OGFRL1: variants seen among roughly 807,000 people sequenced by gnomAD.
OGFRL1 encodes opioid growth factor receptor-like protein 1.
A neutral mutation model predicts 32.4 loss-of-function variants in OGFRL1; 26 were observed. That is an observed-to-expected ratio of 0.80 (90% confidence interval 0.59 to 1.11). The LOEUF (loss-of-function observed/expected upper bound fraction) is 1.11, where lower values mean the gene tolerates loss of function less well. OGFRL1 is among the 50% of genes most tolerant of loss of function. The pLI is 0.00. For missense variants in OGFRL1, 521 were observed against 546.4 expected (o/e 0.95, Z 0.46); for synonymous variants, 211 against 201.2 (o/e 1.05, Z -0.41).
In OGFRL1 at chr6:71,304,963, G is replaced by A. The variant is rs139418326; in HGVS notation, c.*2914G>A. On this transcript the variant is annotated 3_prime_UTR_variant, in exon 7 of 7. Coordinates refer to ENST00000370435, the MANE Select transcript of OGFRL1 (RefSeq NM_024576.5). Reference sequence around the variant, plus strand: ...ATTAGTTTTTTAAATAAGATCTATAGATATGTATTTATGTGTGTCTTATAT... The same window carrying A: ...ATTAGTTTTTTAAATAAGATCTATAAATATGTATTTATGTGTGTCTTATAT... The A allele has an allele frequency of 1.8e-4, 27 of 152,084 alleles. No individual in the cohort carries two copies. Among genetic ancestry groups the A allele is most frequent in the African/African-American group, 6.3e-4 (26 of 41,558 alleles). The allele number at this position is 152,084 out of a possible 1,614,324, so 9.4% of individuals were successfully genotyped here.
rs1766584277 is a variant in OGFRL1, at chr6:71,307,366, A to C, written c.*5317A>C. ...TCCATACACAATTTTGATGGGTATCAGTTCTCATAAAATACCTGCTACAAT... is the reference window on the plus strand; with the variant it reads ...TCCATACACAATTTTGATGGGTATCCGTTCTCATAAAATACCTGCTACAAT... On this transcript the variant is annotated 3_prime_UTR_variant, in exon 7 of 7. Transcript: ENST00000370435. The C allele has an allele frequency of 6.6e-6, 1 of 152,220 alleles. No individual in the cohort carries two copies. The highest frequency in any genetic ancestry group is 1.5e-5 in the Non-Finnish European group (1 of 68,042). 9.4% of individuals were successfully genotyped at this position (152,220 alleles called of 1,614,324 possible).
intron 5 of OGFRL1, 38 bp downstream of exon 5, chr6:71,296,599 A>C (rs1398178123): frequency 6.2e-7 from 1 of 1,607,666 alleles, no homozygotes; most frequent in South Asian, 1.1e-5. Context: ...AGGGTGGCCA[A>C]ATAATATTGC....
chr6:71,303,377 T>A lies in OGFRL1; in HGVS notation c.*1328T>A, dbSNP rs971571327. The A allele has an allele frequency of 2.4e-4, 36 of 152,204 alleles. No individual in the cohort carries two copies. The highest frequency in any genetic ancestry group is 8.2e-4 in the African/African-American group (34 of 41,456). 9.4% of individuals were successfully genotyped at this position (152,204 alleles called of 1,614,324 possible). On this transcript the variant is annotated 3_prime_UTR_variant, in exon 7 of 7. Transcript: ENST00000370435. The stretch of plus-strand genomic sequence containing the variant: ...CATGGAACAGAGTGGGACTTCTAAT[T>A]GTATGACTTCAAGATTTTGCTTTGT...
chr6:71,289,113 G>A lies in OGFRL1; in HGVS notation c.177G>A (p.Gly59=). Residue 59 remains glycine, a synonymous_variant, in exon 1 of 7, where the codon GGG becomes GGA. Transcript: ENST00000370435. The part of the protein sequence containing the change: ...QPAQPPEQAG[G]RPGASPAPDE... Reference sequence around the variant, plus strand: ...CGCAGCCCCCGGAGCAAGCCGGCGGGCGGCCCGGCGCCAGCCCCGCGCCGG... The same window carrying A: ...CGCAGCCCCCGGAGCAAGCCGGCGGACGGCCCGGCGCCAGCCCCGCGCCGG... The A allele has an allele frequency of 9.0e-7, 1 of 1,110,864 alleles. No individual in the cohort carries two copies. Among genetic ancestry groups the A allele is most frequent in the Non-Finnish European group, 1.1e-6 (1 of 912,208 alleles). The allele number at this position is 1,110,864 out of a possible 1,614,324, so 68.8% of individuals were successfully genotyped here.
Position 71,288,897 on chromosome 6 carries a change from C to A in OGFRL1, c.-40C>A. The A allele has an allele frequency of 1.6e-6, 2 of 1,240,186 alleles. No homozygotes were observed. The highest frequency in any genetic ancestry group is 1.6e-5 in the African/African-American group (1 of 61,970). The allele number at this position is 1,240,186 out of a possible 1,614,324, so 76.8% of individuals were successfully genotyped here. On this transcript the variant is annotated 5_prime_UTR_variant, in exon 1 of 7. Coordinates refer to ENST00000370435, the MANE Select transcript of OGFRL1 (RefSeq NM_024576.5). ...CTAGAGCGCCTGCCGCAGCTTGCGC[C>A]CCGCAGCCCCGCAGCCCCGCGCCCG...
chr6:71,295,198 C>T (rs1766167797), intron 3 of OGFRL1: 1 of 152,064 alleles, frequency 6.6e-6, no homozygotes, highest in Admixed American at 6.6e-5. Flanking sequence ...ATTTATTTAT[C>T]AGGCAGGAGG....
rs921600300 is a variant in OGFRL1, at chr6:71,306,948, G to T, written c.*4899G>T. ...AACTAATTTGAAAAACTTTTATGCT[G>T]TAGTCTCATTAGAATCATTTTAAAA... On this transcript the variant is annotated 3_prime_UTR_variant, in exon 7 of 7. Coordinates refer to ENST00000370435, the MANE Select transcript of OGFRL1 (RefSeq NM_024576.5). The T allele has an allele frequency of 3.3e-5, 5 of 152,144 alleles. No homozygotes were observed. Among genetic ancestry groups the T allele is most frequent in the Non-Finnish European group, 7.4e-5 (5 of 68,014 alleles). The allele number at this position is 152,144 out of a possible 1,614,324, so 9.4% of individuals were successfully genotyped here.
intron 5 of OGFRL1, 35 bp from the exon 6 acceptor site, chr6:71,296,635 AAT>A: frequency 6.2e-7 from 1 of 1,608,632 alleles, no homozygotes; most frequent in Non-Finnish European, 8.5e-7. Context: ...GTAGCTACTG[AAT>A]CATTTCAGGT....
rs893920232 is a variant in OGFRL1 at position 71,306,782 on chromosome 6, A to G, written c.*4733A>G. Reference sequence around the variant, plus strand: ...TTTTGTAGTTTAGCTACATACTATAATTTTCATTTTAAACGTTCCTTAGTT... The same window carrying G: ...TTTTGTAGTTTAGCTACATACTATAGTTTTCATTTTAAACGTTCCTTAGTT... On this transcript the variant is annotated 3_prime_UTR_variant, in exon 7 of 7. Coordinates refer to ENST00000370435, the MANE Select transcript of OGFRL1 (RefSeq NM_024576.5). 6.6e-6 allele frequency: 1 copy of G among 152,156 alleles called. No homozygotes were observed. The highest frequency in any genetic ancestry group is 2.4e-5 in the African/African-American group (1 of 41,446). The allele number at this position is 152,156 out of a possible 1,614,324, so 9.4% of individuals were successfully genotyped here.
In OGFRL1 at chr6:71,303,468, A is replaced by C. The variant is rs1325017242; in HGVS notation, c.*1419A>C. The C allele has an allele frequency of 6.6e-6, 1 of 152,226 alleles. No homozygotes were observed. Among genetic ancestry groups the C allele is most frequent in the Non-Finnish European group, 1.5e-5 (1 of 68,034 alleles). The allele number at this position is 152,226 out of a possible 1,614,324, so 9.4% of individuals were successfully genotyped here. On this transcript the variant is annotated 3_prime_UTR_variant, in exon 7 of 7. Coordinates refer to ENST00000370435, the MANE Select transcript of OGFRL1 (RefSeq NM_024576.5). ...AAATTTGATTGAAAAGTTCAAGACA[A>C]GAATTTTGCTCTCTATGGCTGTTCC...
chr6:71,301,856 C>CT lies in OGFRL1; in HGVS notation c.1164dup (p.Ala389CysfsTer11), dbSNP rs1285256813. ...CCCAGCCCAGAGCCCAGCAATGAAG[C>CT]TGCCAAGCCAAGAAATACAGAGAAG... On this transcript the variant is annotated frameshift_variant, in exon 7 of 7. Transcript: ENST00000370435. LOFTEE classifies it low-confidence loss of function (END_TRUNC). 1.6e-5 allele frequency: 26 copies of CT among 1,612,680 alleles called. No homozygotes were observed. The highest frequency in any genetic ancestry group is 2.1e-5 in the Non-Finnish European group (25 of 1,179,674).
Position 71,296,816 on chromosome 6 carries a change from G to T in OGFRL1, c.691G>T (p.Glu231Ter). Residue 231 changes from glutamate to a stop codon, truncating the protein, a stop_gained and splice_region_variant, in exon 6 of 7, where the codon GAG (glutamate) becomes TAG (stop). Transcript: ENST00000370435. LOFTEE classifies it low-confidence loss of function (END_TRUNC). ...GCAGGAAAGATTTCAGCATCTGAAT[G>T]AGTAAGTAAAGCCCCTGTGATAAAT... The part of the protein sequence containing the change: ...NWQERFQHLN[E>*]SQHNYLRITR... The T allele has an allele frequency of 6.2e-7, 1 of 1,612,534 alleles. No homozygotes were observed. Among genetic ancestry groups the T allele is most frequent in the South Asian group, 1.1e-5 (1 of 90,932 alleles).
chr6:71,289,316 A>G, intron 1 of OGFRL1, 146 bp downstream of exon 1: 1 of 1,010,510 alleles, frequency 9.9e-7, no homozygotes, highest in Non-Finnish European at 1.2e-6. Context: ...GCCGCGGCTG[A>G]CCTGTCTCCC....
chr6:71,299,667 G>A (rs1376654119), intron 6 of OGFRL1, among the ~76,000 whole-genome samples: 2 of 152,000 alleles, frequency 1.3e-5, no homozygotes, highest in Non-Finnish European at 2.9e-5. Flanking sequence ...ATTGCCCAAG[G>A]GTTTTGTCAG....
chr6:71,289,636 T>C (rs1765983036), intron 1 of OGFRL1: 1 of 971,360 alleles, frequency 1.0e-6, no homozygotes, highest in Non-Finnish European at 1.2e-6. Flanking sequence ...TCCCCTACAG[T>C]GGGGTCTAAG....
intron 4 of OGFRL1, 44 bp downstream of exon 4, chr6:71,296,439 A>G (rs1450564123): frequency 5.0e-6 from 8 of 1,595,362 alleles, no homozygotes; most frequent in Non-Finnish European, 6.0e-6. Flanking sequence ...CTATTTAATC[A>G]TGTATGTTTT....
intron 1 of OGFRL1, chr6:71,289,749 C>T: frequency 4.1e-6 from 4 of 985,294 alleles, no homozygotes; most frequent in Non-Finnish European, 4.8e-6. Context: ...AATCTTATTT[C>T]ACCAGAAGAC....
chr6:71,298,308 C>G (rs34549865), intron 6 of OGFRL1, among the ~76,000 whole-genome samples: 290 of 152,160 alleles, frequency 1.9e-3, no homozygotes, highest in Middle Eastern at 3.4e-3. Flanking sequence ...GAGCTACATG[C>G]CAGCAGCCTA....
At chr6:71,289,368 C>T (rs1164063725) in intron 1 of OGFRL1, 198 bp downstream of exon 1, 14 of 984,492 alleles carry the variant, frequency 1.4e-5, no homozygotes, top group Non-Finnish European at 1.6e-5. Flanking sequence ...GCGCCGGACC[C>T]TCCCACTGCC....
Sources: gnomAD v4.1 joint callset for allele counts (sites outside exome capture counted in the v4.1 genomes callset) on GRCh38, gnomAD v4.1.1 for gene constraint, MANE v1.5 for transcripts, NCBI Gene and HGNC (gene_info 2026-07-23, HGNC 2026-07-21) for gene names.